The following FUBP3 variants were observed in gnomAD, a reference collection of about 807,000 sequenced individuals.
FUBP3 encodes far upstream element-binding protein 3.
In FUBP3, 28 loss-of-function variants were observed where a neutral mutation model predicts 85.6. That is an observed-to-expected ratio of 0.33 (90% CI 0.24 to 0.45). FUBP3 has a LOEUF of 0.45. Among genes scored for constraint, FUBP3 ranks in the 20% least tolerant of loss-of-function variants. The pLI is 1.00. For synonymous variants in FUBP3, 271 were observed against 271.4 expected (o/e 1.00, Z 0.01); for missense variants, 583 against 755.1 (o/e 0.77, Z 2.67).
chr9:130,635,810 G>A lies in FUBP3; in HGVS notation c.1583-189G>A, dbSNP rs559791306. On this transcript the variant is annotated intron_variant, in intron 17 of 18. Coordinates refer to ENST00000319725, the MANE Select transcript of FUBP3 (RefSeq NM_003934.2). The surrounding 1 kb of genome is among the most constrained non-coding windows in gnomAD (Gnocchi z 4.3). ...GGTCTTCACAGGCATAGCAGGGGCC[G>A]GGCAACAAGAGGCTAACAGCACCTT... 11 of 600,778 alleles carry A rather than the reference G, an allele frequency of 1.8e-5. No individual in the cohort carries two copies. Among genetic ancestry groups the A allele is most frequent in the East Asian group, 1.4e-4 (5 of 35,672 alleles). 37.2% of individuals were successfully genotyped at this position (600,778 alleles called of 1,614,324 possible). A position where few individuals can be genotyped will look rare whatever the true frequency, so the allele number is the denominator to read the frequency against.
chr9:130,597,785 C>T (rs3802341), intron 2 of FUBP3, among the ~76,000 whole-genome samples: 11,283 of 152,174 alleles, frequency 0.074, 833 homozygotes, highest in East Asian at 0.19. Context: ...ACAGAAGACA[C>T]GATTAATTTT....
intron 11 of FUBP3, among the ~76,000 whole-genome samples, chr9:130,624,359 T>C (rs1345269671): frequency 6.6e-6 from 1 of 152,228 alleles, no homozygotes. Flanking sequence ...TGTGATCCCC[T>C]AAGAGCCATC....
chr9:130,622,419 G>A (rs2119098405), intron 9 of FUBP3, among the ~76,000 whole-genome samples: 1 of 151,952 alleles, frequency 6.6e-6, no homozygotes, highest in Non-Finnish European at 1.5e-5. Flanking sequence ...ATCACCTGAG[G>A]TCTGGAGTTC....
At chr9:130,636,306 C>T (rs928879786) in intron 18 of FUBP3, 180 bp downstream of exon 18, 8 of 717,250 alleles carry the variant, frequency 1.1e-5, no homozygotes, top group East Asian at 5.4e-5. Flanking sequence ...TGTCCCTCCT[C>T]GCTCTGGAGA....
At chr9:130,614,396 A>T (rs753006097) in intron 6 of FUBP3, 51 bp downstream of exon 6, 13 of 1,100,506 alleles carry the variant, frequency 1.2e-5, no homozygotes, top group Non-Finnish European at 1.7e-5. Context: ...TCCTTCCCCA[A>T]ATGGGGAGAA....
Position 130,612,075 on chromosome 9 carries a change from A to C in FUBP3, c.225-381A>C, listed in dbSNP as rs188015503. On this transcript the variant is annotated intron_variant, in intron 3 of 18. Coordinates refer to ENST00000319725, the MANE Select transcript of FUBP3 (RefSeq NM_003934.2). This position sits in a 1 kb window ranked among gnomAD's most constrained non-coding sequence, Gnocchi z 4.1. ...ACAATAGAAGTCTAAACATCTCCCA[A>C]AACCCTGGAGGACCTTTCAGTGACC... Among the ~76,000 whole-genome samples, 40 of 152,330 alleles carry C rather than the reference A, an allele frequency of 2.6e-4. No individual in the cohort carries two copies. Among genetic ancestry groups the C allele is most frequent in the African/African-American group, 7.7e-4 (32 of 41,582 alleles).
At chr9:130,607,561 A>G (rs1831522682) in intron 2 of FUBP3, among the ~76,000 whole-genome samples, 1 of 152,136 alleles carries the variant, frequency 6.6e-6, no homozygotes, top group Non-Finnish European at 1.5e-5. Context: ...ATTCAATTGA[A>G]TATGATAGGT....
In FUBP3 at chr9:130,579,582, C is replaced by T; in HGVS notation, c.-99C>T. 1.3e-6 allele frequency: 1 copy of T among 745,352 alleles called. No homozygotes were observed. The highest frequency in any genetic ancestry group is 1.8e-6 in the Non-Finnish European group (1 of 547,346). The allele number at this position is 745,352 out of a possible 1,614,324, so 46.2% of individuals were successfully genotyped here. A position where few individuals can be genotyped will look rare whatever the true frequency, so the allele number is the denominator to read the frequency against. ...CCGGAAGTAGGGCGACTTTCCTTTT[C>T]CGGCTACGGGTCCCCAAGCGGAGCG... On this transcript the variant is annotated 5_prime_UTR_variant, in exon 1 of 19. Transcript: ENST00000319725.
At chr9:130,580,651 C>T (rs890763969) in intron 1 of FUBP3, 2 of 152,152 alleles carry the variant, frequency 1.3e-5, no homozygotes, top group African/African-American at 4.8e-5. Context: ...CTGCTTGATT[C>T]CTAACAGAAA....
intron 12 of FUBP3, among the ~76,000 whole-genome samples, chr9:130,628,128 C>CACA (rs1554745974): frequency 2.7e-4 from 38 of 140,846 alleles, no homozygotes; most frequent in South Asian, 1.7e-3. Context: ...ACACACACAC[C>CACA]CCCTACCCCT....
Position 130,614,197 on chromosome 9 carries a change from G to A in FUBP3, c.347-91G>A, listed in dbSNP as rs1031613536. 26 of 737,060 alleles carry A rather than the reference G, an allele frequency of 3.5e-5. No homozygotes were observed. The Middle Eastern group carries it at 2.1e-3, about 58-fold the overall frequency. The allele number at this position is 737,060 out of a possible 1,614,324, so 45.7% of individuals were successfully genotyped here. On this transcript the variant is annotated intron_variant, in intron 5 of 18. Coordinates refer to ENST00000319725, the MANE Select transcript of FUBP3 (RefSeq NM_003934.2). ...GAGCCTGGGCCTCTGCAGGGCTGGC[G>A]TAGGAAGCAGCCCTAGAGAGCCTTA...
intron 15 of FUBP3, 35 bp downstream of exon 15, chr9:130,632,057 C>T (rs369789539): frequency 7.2e-6 from 11 of 1,534,060 alleles, no homozygotes; most frequent in South Asian, 5.6e-5. Context: ...TGGGGACAGA[C>T]GGCACTAAGG....
intron 5 of FUBP3, among the ~76,000 whole-genome samples, 173 bp from the exon 6 acceptor site, chr9:130,614,115 G>A (rs1012210062): frequency 1.3e-5 from 2 of 152,210 alleles, no homozygotes; most frequent in Non-Finnish European, 2.9e-5. Context: ...AGAATCTAGG[G>A]TGGAGCTACC....
intron 1 of FUBP3, among the ~76,000 whole-genome samples, chr9:130,582,660 A>G (rs1292390405): frequency 1.3e-5 from 2 of 152,224 alleles, no homozygotes; most frequent in Non-Finnish European, 2.9e-5. Flanking sequence ...CTGCACTTCT[A>G]TACTGACTGT....
At position 130,635,979 on chromosome 9, in the gene FUBP3, T is replaced by TTTC; in HGVS notation, c.1583-19_1583-17dup. On this transcript the variant is annotated intron_variant, in intron 17 of 18. Coordinates refer to ENST00000319725, the MANE Select transcript of FUBP3 (RefSeq NM_003934.2). The surrounding 1 kb of genome is among the most constrained non-coding windows in gnomAD (Gnocchi z 4.3). ...GCACCTCCGCTCCCGATAACCTGTG[T>TTTC]TTCCTCCTTTGTCAACCAGGTCACG... is the stretch of plus-strand genomic sequence containing the variant. The TTTC allele has an allele frequency of 6.2e-7, 1 of 1,612,466 alleles. No homozygotes were observed. Among genetic ancestry groups the TTTC allele is most frequent in the Non-Finnish European group, 8.5e-7 (1 of 1,179,402 alleles).
intron 12 of FUBP3, among the ~76,000 whole-genome samples, chr9:130,626,895 T>A (rs1285732715): frequency 2.0e-5 from 3 of 152,228 alleles, no homozygotes; most frequent in Non-Finnish European, 4.4e-5. Flanking sequence ...TGAAAATTCC[T>A]TCTCGACAGT....
chr9:130,593,051 C>T (rs1186191927), intron 1 of FUBP3, among the ~76,000 whole-genome samples: 1 of 152,182 alleles, frequency 6.6e-6, no homozygotes, highest in Non-Finnish European at 1.5e-5. Context: ...AAGCTTGCTC[C>T]TGCCTCAGGG....
intron 11 of FUBP3, among the ~76,000 whole-genome samples, chr9:130,624,177 A>G (rs1435808754): frequency 6.6e-6 from 1 of 152,218 alleles, no homozygotes; most frequent in Non-Finnish European, 1.5e-5. Flanking sequence ...AACTGATGGT[A>G]GGACTGAGGA....
intron 2 of FUBP3, among the ~76,000 whole-genome samples, chr9:130,596,213 G>A (rs1458158444): frequency 1.3e-5 from 2 of 152,198 alleles, no homozygotes; most frequent in Non-Finnish European, 2.9e-5. Context: ...TCTGTAGAGA[G>A]CTTGGACATC....
Sources: allele counts gnomAD v4.1 joint callset (sites outside exome capture counted in the v4.1 genomes callset), GRCh38; gene constraint gnomAD v4.1.1; non-coding constraint Gnocchi (gnomAD v3.1); transcripts MANE v1.5; gene names NCBI Gene and HGNC (gene_info 2026-07-23, HGNC 2026-07-21).